OTUD7A: variants seen among roughly 807,000 people sequenced by gnomAD.
OTUD7A encodes OTU deubiquitinase 7A.
A neutral mutation model predicts 65.7 loss-of-function variants in OTUD7A; 12 were observed. That is an observed-to-expected ratio of 0.18 (90% CI 0.12 to 0.30). OTUD7A has a LOEUF of 0.30. OTUD7A is among the 10% of genes least tolerant of loss of function. The pLI is 1.00. For synonymous variants in OTUD7A, 641 were observed against 586.3 expected (o/e 1.09, Z -1.35); for missense variants, 1,148 against 1,304.8 (o/e 0.88, Z 1.85).
Position 31,481,742 on chromosome 15 carries a change from C to T in OTUD7A, c.*1552G>A, listed in dbSNP as rs567552660. The T allele has an allele frequency of 6.6e-6, 1 of 150,848 alleles. No individual in the cohort carries two copies. The highest frequency in any genetic ancestry group is 2.1e-4 in the South Asian group (1 of 4,790). 9.3% of individuals were successfully genotyped at this position (150,848 alleles called of 1,614,324 possible). On this transcript the variant is annotated 3_prime_UTR_variant, in exon 13 of 13. Coordinates refer to ENST00000307050, the MANE Select transcript of OTUD7A (RefSeq NM_001382637.1). ...CAAACAAGTAAAAAAAATCCCCTCG[C>T]CCCCCCTTTTTTTTTGTTTTTGCTG...
At chr15:31,858,289 C>G (rs929693311) in intron 1 of OTUD7A, among the ~76,000 whole-genome samples, 3 of 152,170 alleles carry the variant, frequency 2.0e-5, no homozygotes, top group African/African-American at 7.2e-5. Context: ...TAGTCATAGT[C>G]AAGATGTTCT....
At chr15:31,566,488 A>G (rs2141167805) in intron 4 of OTUD7A, among the ~76,000 whole-genome samples, 1 of 152,348 alleles carries the variant, frequency 6.6e-6, no homozygotes, top group African/African-American at 2.4e-5. Flanking sequence ...ACAAAGGGGA[A>G]ATCCAATGGC....
chr15:31,836,572 A>C (rs1275803713), intron 1 of OTUD7A, among the ~76,000 whole-genome samples: 1 of 152,210 alleles, frequency 6.6e-6, no homozygotes, highest in Non-Finnish European at 1.5e-5. Flanking sequence ...ATGCCTCATG[A>C]AGACAGACAC....
intron 3 of OTUD7A, among the ~76,000 whole-genome samples, chr15:31,626,067 T>G (rs987408443): frequency 1.3e-5 from 2 of 152,126 alleles, no homozygotes; most frequent in Non-Finnish European, 2.9e-5. Flanking sequence ...GTGAGGAAAC[T>G]TTTTGAAAGG....
intron 1 of OTUD7A, among the ~76,000 whole-genome samples, chr15:31,842,258 G>A (rs1182708862): frequency 6.6e-6 from 1 of 152,224 alleles, no homozygotes; most frequent in African/African-American, 2.4e-5. Context: ...GTGTGGGTGT[G>A]TTCTGTGTCC....
At chr15:31,773,076 G>A (rs1895283783) in intron 1 of OTUD7A, among the ~76,000 whole-genome samples, 1 of 152,054 alleles carries the variant, frequency 6.6e-6, no homozygotes, top group South Asian at 2.1e-4. Flanking sequence ...CTATGTATCT[G>A]TATATATGAA....
At chr15:31,594,944 T>A (rs1174781856) in intron 3 of OTUD7A, among the ~76,000 whole-genome samples, 1 of 152,212 alleles carries the variant, frequency 6.6e-6, no homozygotes, top group African/African-American at 2.4e-5. Flanking sequence ...GGGGACTGTG[T>A]CCACCCAGGA....
Position 31,675,329 on chromosome 15 carries a change from C to T in OTUD7A, c.-99-18252G>A, listed in dbSNP as rs8023603. Among the ~76,000 whole-genome samples the T allele has an allele frequency of 6.2e-3, 944 of 152,198 alleles. 12 individuals are homozygous for T. Among genetic ancestry groups the T allele is most frequent in the African/African-American group, 0.022 (908 of 41,528 alleles). ...TACCAACCCTGGAGTGCCTCATTCT[C>T]GTACATGTGAGAGAAGTGAATTCTC... On this transcript the variant is annotated intron_variant, in intron 1 of 12. Transcript: ENST00000307050.
chr15:31,620,191 G>A (rs1370683038), intron 3 of OTUD7A, among the ~76,000 whole-genome samples: 2 of 152,132 alleles, frequency 1.3e-5, no homozygotes, highest in Non-Finnish European at 2.9e-5. Flanking sequence ...GAGGATTTTT[G>A]CATCGATGTT....
At chr15:31,859,447 G>C (rs1897663420) in intron 1 of OTUD7A, among the ~76,000 whole-genome samples, 1 of 152,174 alleles carries the variant, frequency 6.6e-6, no homozygotes, top group South Asian at 2.1e-4. Context: ...TTGTAAGCCA[G>C]CTATATATTC....
rs1045659817 is a variant in OTUD7A at position 31,477,304 on chromosome 15, A to T, written c.*5990T>A. 3.9e-5 allele frequency: 6 copies of T among 152,266 alleles called. No homozygotes were observed. The highest frequency in any genetic ancestry group is 2.0e-4 in the Admixed American group (3 of 15,288). The allele number at this position is 152,266 out of a possible 1,614,324, so 9.4% of individuals were successfully genotyped here. A position where few individuals can be genotyped will look rare whatever the true frequency, so the allele number is the denominator to read the frequency against. ...ACTGGGAGACACCTAAAGACTGATT[A>T]CAAAGGATTCTCTGGAATGGTCCAG... On this transcript the variant is annotated 3_prime_UTR_variant, in exon 13 of 13. Transcript: ENST00000307050.
intron 1 of OTUD7A, among the ~76,000 whole-genome samples, chr15:31,852,521 G>T (rs532012418): frequency 6.6e-6 from 1 of 152,210 alleles, no homozygotes; most frequent in Non-Finnish European, 1.5e-5. Flanking sequence ...TCACAGATTT[G>T]TAACTACAAA....
At chr15:31,660,827 T>G (rs1288112616) in intron 1 of OTUD7A, among the ~76,000 whole-genome samples, 1 of 152,232 alleles carries the variant, frequency 6.6e-6, no homozygotes, top group Non-Finnish European at 1.5e-5. Context: ...GTTTTCCCCT[T>G]GTTGAAGCTG....
chr15:31,788,063 T>C (rs1214570573), intron 1 of OTUD7A, among the ~76,000 whole-genome samples: 1 of 152,204 alleles, frequency 6.6e-6, no homozygotes, highest in Non-Finnish European at 1.5e-5. Context: ...CACTCAATAA[T>C]TAATTTTTGA....
At chr15:31,828,214 T>C (rs1896845225) in intron 1 of OTUD7A, among the ~76,000 whole-genome samples, 1 of 152,198 alleles carries the variant, frequency 6.6e-6, no homozygotes, top group South Asian at 2.1e-4. Context: ...AGTATGGAAA[T>C]TTATTTTTTT....
chr15:31,703,062 A>T (rs1160333309), intron 1 of OTUD7A, among the ~76,000 whole-genome samples: 2 of 152,118 alleles, frequency 1.3e-5, no homozygotes, highest in Non-Finnish European at 2.9e-5. Flanking sequence ...AGAAAGAAAG[A>T]GACTTGACCT....
chr15:31,574,118 A>G (rs945422543), intron 3 of OTUD7A, among the ~76,000 whole-genome samples: 24 of 152,294 alleles, frequency 1.6e-4, no homozygotes, highest in Admixed American at 3.9e-4. Context: ...CTAAAGAAAA[A>G]GGGATATAGG....
At chr15:31,788,626 T>A (rs977907974) in intron 1 of OTUD7A, among the ~76,000 whole-genome samples, 3 of 151,996 alleles carry the variant, frequency 2.0e-5, no homozygotes, top group Non-Finnish European at 4.4e-5. Flanking sequence ...CAGGTGGGGA[T>A]TGTGTTGGCC....
intron 1 of OTUD7A, among the ~76,000 whole-genome samples, chr15:31,733,670 G>A (rs952347064): frequency 6.6e-6 from 1 of 152,140 alleles, no homozygotes; most frequent in Admixed American, 6.5e-5. Context: ...CATAATACCC[G>A]ACAAATATCT....
Sources: allele counts gnomAD v4.1 joint callset (sites outside exome capture counted in the v4.1 genomes callset), GRCh38; gene constraint gnomAD v4.1.1; transcripts MANE v1.5; gene names NCBI Gene and HGNC (gene_info 2026-07-23, HGNC 2026-07-21).